INPP4B: variants seen among roughly 807,000 people sequenced by gnomAD.
The protein encoded by INPP4B is inositol polyphosphate-4-phosphatase type II B, also known as inositol polyphosphate 4-phosphatase type II.
INPP4B carries 55 observed loss-of-function variants against 122.5 expected under a neutral mutation model. That is an observed-to-expected ratio of 0.45 (90% CI 0.36 to 0.56). The LOEUF is 0.56. INPP4B is among the 20% of genes least tolerant of loss of function. The pLI, the probability that INPP4B is intolerant of heterozygous loss-of-function variation, is 0.00. For synonymous variants in INPP4B, 403 were observed against 388.7 expected (o/e 1.04, Z -0.43); for missense variants, 1,000 against 1,097.7 (o/e 0.91, Z 1.26).
At chr4:142,287,078 C>T (rs1754064724) in intron 9 of INPP4B, 1 of 152,176 alleles carries the variant, frequency 6.6e-6, no homozygotes, top group African/African-American at 2.4e-5. Flanking sequence ...TACATCTCCT[C>T]TATGTCTAGA....
At chr4:142,782,000 A>G (rs978884273) in intron 1 of INPP4B, among the ~76,000 whole-genome samples, 8 of 151,626 alleles carry the variant, frequency 5.3e-5, no homozygotes. Context: ...TTATTATTAT[A>G]CTTTAAGTTT....
At chr4:142,253,238 T>A (rs1177446310) in intron 11 of INPP4B, among the ~76,000 whole-genome samples, 1 of 152,174 alleles carries the variant, frequency 6.6e-6, no homozygotes. Context: ...GGTGGGTGAA[T>A]GTGAAGTCCT....
At chr4:142,186,543 A>G (rs1237272507) in intron 15 of INPP4B, among the ~76,000 whole-genome samples, 1 of 152,246 alleles carries the variant, frequency 6.6e-6, no homozygotes, top group Non-Finnish European at 1.5e-5. Flanking sequence ...GGCTAAGAGA[A>G]TCACTGCTAA....
At chr4:142,676,976 G>A (rs992396716) in intron 2 of INPP4B, among the ~76,000 whole-genome samples, 61 of 152,136 alleles carry the variant, frequency 4.0e-4, no homozygotes, top group African/African-American at 1.3e-3. Flanking sequence ...GGCAACAAAC[G>A]CCAATATTGA....
chr4:142,114,805 G>T (rs144785046), intron 21 of INPP4B, among the ~76,000 whole-genome samples: 39 of 151,832 alleles, frequency 2.6e-4, no homozygotes, highest in African/African-American at 8.2e-4. Context: ...TCTTTTATGG[G>T]TCTTGATTTT....
chr4:142,177,708 C>T (rs1054874977), intron 15 of INPP4B, among the ~76,000 whole-genome samples: 2 of 151,834 alleles, frequency 1.3e-5, no homozygotes, highest in African/African-American at 4.8e-5. Flanking sequence ...CACCTACATC[C>T]CCATCCTCAC....
At chr4:142,562,386 C>T (rs558666745) in intron 2 of INPP4B, among the ~76,000 whole-genome samples, 119 of 152,194 alleles carry the variant, frequency 7.8e-4, no homozygotes, top group Admixed American at 5.8e-3. Flanking sequence ...AGCTAAATCC[C>T]ATCTCTCCAT....
intron 2 of INPP4B, among the ~76,000 whole-genome samples, chr4:142,555,494 T>A (rs971922733): frequency 6.6e-6 from 1 of 152,170 alleles, no homozygotes; most frequent in South Asian, 2.1e-4. Context: ...TAGTTGTAAA[T>A]GGGTATTTTA....
At chr4:142,823,009 T>C (rs1286036464) in intron 1 of INPP4B, among the ~76,000 whole-genome samples, 1 of 152,056 alleles carries the variant, frequency 6.6e-6, no homozygotes, top group Non-Finnish European at 1.5e-5. Context: ...TCTCAAAAGG[T>C]ATCTGTAATC....
At chr4:142,079,295 C>T (rs981283142) in intron 25 of INPP4B, among the ~76,000 whole-genome samples, 1 of 152,000 alleles carries the variant, frequency 6.6e-6, no homozygotes, top group Admixed American at 6.6e-5. Flanking sequence ...TCCCTCCCTT[C>T]TCATCCTTCC....
intron 12 of INPP4B, among the ~76,000 whole-genome samples, chr4:142,220,470 A>G (rs1254129719): frequency 1.3e-5 from 2 of 152,224 alleles, no homozygotes; most frequent in African/African-American, 4.8e-5. Flanking sequence ...TATTCTGAAC[A>G]CTTCACAAAT....
chr4:142,119,355 G>A (rs1002171254), intron 21 of INPP4B, among the ~76,000 whole-genome samples: 21 of 151,982 alleles, frequency 1.4e-4, no homozygotes, highest in Non-Finnish European at 2.6e-4. Context: ...ATGTACGTTT[G>A]TTGCGGCACT....
intron 1 of INPP4B, among the ~76,000 whole-genome samples, chr4:142,737,341 G>T (rs1436484195): frequency 6.6e-6 from 1 of 152,134 alleles, no homozygotes; most frequent in Non-Finnish European, 1.5e-5. Context: ...TGACAAACCT[G>T]ACAAAAACAA....
At chr4:142,612,514 G>T (rs1742776751) in intron 2 of INPP4B, among the ~76,000 whole-genome samples, 1 of 152,140 alleles carries the variant, frequency 6.6e-6, no homozygotes, top group South Asian at 2.1e-4. Flanking sequence ...AGAAGTCCAA[G>T]TTCAAGGTAC....
At chr4:142,126,939 G>A (rs954915534) in intron 18 of INPP4B, among the ~76,000 whole-genome samples, 2 of 152,030 alleles carry the variant, frequency 1.3e-5, no homozygotes, top group African/African-American at 4.8e-5. Flanking sequence ...GGAAACACTA[G>A]AAAAAACTTC....
chr4:142,358,507 C>T (rs1218260032), intron 7 of INPP4B, among the ~76,000 whole-genome samples: 4 of 151,752 alleles, frequency 2.6e-5, no homozygotes, highest in African/African-American at 7.3e-5. Flanking sequence ...GGATGAACAG[C>T]TCTACTCTAG....
chr4:142,362,144 CAAT>C (rs1463651735), intron 7 of INPP4B, among the ~76,000 whole-genome samples: 1 of 151,960 alleles, frequency 6.6e-6, no homozygotes, highest in Non-Finnish European at 1.5e-5. Context: ...TCTAAGTTGA[CAAT>C]AAAACTCTCA....
chr4:142,519,253 C>T (rs1039307430), intron 2 of INPP4B, among the ~76,000 whole-genome samples: 23 of 152,244 alleles, frequency 1.5e-4, no homozygotes, highest in African/African-American at 5.3e-4. Context: ...TACCTGCATA[C>T]ATAATGAGGC....
chr4:142,482,487 A>C (rs1466572655), intron 2 of INPP4B, among the ~76,000 whole-genome samples: 2 of 152,180 alleles, frequency 1.3e-5, no homozygotes, highest in African/African-American at 2.4e-5. Flanking sequence ...CAAAACATGA[A>C]GGGAAAATAA....
Sources: allele counts gnomAD v4.1 joint callset (sites outside exome capture counted in the v4.1 genomes callset), GRCh38; gene constraint gnomAD v4.1.1; transcripts MANE v1.5; gene names NCBI Gene and HGNC (gene_info 2026-07-23, HGNC 2026-07-21).